The following SFMBT2 variants were observed in gnomAD, a reference collection of about 807,000 sequenced individuals.
SFMBT2 encodes the protein scm-like with four MBT domains protein 2.
A neutral mutation model predicts 110.1 loss-of-function variants in SFMBT2; 38 were observed. The ratio of observed to expected loss-of-function variants is 0.35; its 90% CI spans 0.27 to 0.45. SFMBT2 has a LOEUF of 0.45. Among genes scored for constraint, SFMBT2 ranks in the 20% least tolerant of loss-of-function variants. The pLI is 1.00. For synonymous variants in SFMBT2, 425 were observed against 425.4 expected (o/e 1.00, Z 0.01); for missense variants, 1,011 against 1,094.9 (o/e 0.92, Z 1.08).
intron 2 of SFMBT2, among the ~76,000 whole-genome samples, chr10:7,373,764 G>A (rs1006580840): frequency 7.2e-5 from 11 of 152,188 alleles, no homozygotes; most frequent in African/African-American, 1.7e-4. Context: ...ACAGGAAGCC[G>A]TGGCCACCTG....
At chr10:7,327,081 T>C (rs952077385) in intron 4 of SFMBT2, among the ~76,000 whole-genome samples, 8 of 151,130 alleles carry the variant, frequency 5.3e-5, no homozygotes, top group African/African-American at 1.7e-4. Flanking sequence ...GTGCTTCCCT[T>C]CATGTCACTC....
rs151306928 is a variant in SFMBT2 at position 7,203,819 on chromosome 10, G to A, written c.1445-1297C>T. 3.8e-3 allele frequency: 785 copies of A among 206,834 alleles called. 10 individuals carry two copies. Among genetic ancestry groups the A allele is most frequent in the African/African-American group, 0.018 (758 of 42,528 alleles). The allele number at this position is 206,834 out of a possible 1,614,324, so 12.8% of individuals were successfully genotyped here. ...CAACCTCTGCCTCCCGGATTCAAGC[G>A]ATTTTCGTGCCTCAGCCCTCCGAGT... On this transcript the variant is annotated intron_variant, in intron 12 of 20. Transcript: ENST00000397167.
At chr10:7,202,759 A>G in intron 12 of SFMBT2, 1 of 985,304 alleles carries the variant, frequency 1.0e-6, no homozygotes, top group Non-Finnish European at 1.2e-6. Context: ...TCATTACACT[A>G]GCTACTTTAT....
rs374410371 is a variant in SFMBT2 at position 7,203,808 on chromosome 10, C to T, written c.1445-1286G>A. 1.3e-3 allele frequency: 301 copies of T among 240,000 alleles called. 1 individual carries two copies. Among genetic ancestry groups the T allele is most frequent in the African/African-American group, 6.4e-3 (276 of 43,098 alleles). The allele number at this position is 240,000 out of a possible 1,614,324, so 14.9% of individuals were successfully genotyped here. Reference sequence around the variant, plus strand: ...TCAGTTCACTGCAACCTCTGCCTCCCGGATTCAAGCGATTTTCGTGCCTCA... The same window carrying T: ...TCAGTTCACTGCAACCTCTGCCTCCTGGATTCAAGCGATTTTCGTGCCTCA... On this transcript the variant is annotated intron_variant, in intron 12 of 20. Transcript: ENST00000397167.
At chr10:7,259,105 T>C (rs1564409171) in intron 7 of SFMBT2, among the ~76,000 whole-genome samples, 2 of 152,118 alleles carry the variant, frequency 1.3e-5, no homozygotes, top group Non-Finnish European at 2.9e-5. Flanking sequence ...ATGCATTAAC[T>C]CAACTGCTGT....
intron 7 of SFMBT2, among the ~76,000 whole-genome samples, chr10:7,261,679 C>T (rs1841208750): frequency 6.6e-6 from 1 of 152,176 alleles, no homozygotes; most frequent in East Asian, 1.9e-4. Context: ...TATTAAGGAG[C>T]TTTAAAGCAG....
chr10:7,406,419 G>A (rs764364217), intron 1 of SFMBT2, among the ~76,000 whole-genome samples: 14 of 149,918 alleles, frequency 9.3e-5, no homozygotes, highest in East Asian at 2.0e-4. Flanking sequence ...TGCTTCCATC[G>A]CTCACTATTT....
intron 2 of SFMBT2, 48 bp from the exon 3 acceptor site, chr10:7,370,423 G>A: frequency 1.3e-6 from 2 of 1,494,928 alleles, no homozygotes; most frequent in Non-Finnish European, 1.9e-6. Context: ...GTGGAGGACA[G>A]AAAGGTGCTG....
intron 4 of SFMBT2, among the ~76,000 whole-genome samples, chr10:7,340,230 T>C (rs971418230): frequency 9.2e-5 from 14 of 152,128 alleles, no homozygotes; most frequent in African/African-American, 3.4e-4. Context: ...ATATTTAGCA[T>C]TCATTCAGTG....
chr10:7,410,225 A>G (rs1327063056), intron 1 of SFMBT2, among the ~76,000 whole-genome samples: 7 of 152,274 alleles, frequency 4.6e-5, no homozygotes, highest in Non-Finnish European at 1.5e-5. Context: ...AGCACGCTCC[A>G]AAACTACTAC....
rs1311609773 is a variant in SFMBT2, at chr10:7,263,274, C to T, written c.870+13618G>A. ...TTTCTTTTTTGAGACAGAGTTTCTC[C>T]CTCGTCGCCCAGGCTGGAGTACAAT... On this transcript the variant is annotated intron_variant, in intron 7 of 20. Transcript: ENST00000397167. Among the ~76,000 whole-genome samples, 4 of 151,840 alleles carry T rather than the reference C, an allele frequency of 2.6e-5. No individual in the cohort carries two copies. In the East Asian group the frequency reaches 7.7e-4, roughly 29 times the overall value.
At chr10:7,272,322 A>G (rs1221461350) in intron 7 of SFMBT2, among the ~76,000 whole-genome samples, 2 of 152,204 alleles carry the variant, frequency 1.3e-5, no homozygotes, top group Non-Finnish European at 2.9e-5. Flanking sequence ...GAGGCAAAAA[A>G]GCTGATGAAG....
At chr10:7,179,391 G>GAAAAAAAAAAAAAAAA (rs57497418) in intron 16 of SFMBT2, among the ~76,000 whole-genome samples, 1 of 70,300 alleles carries the variant, frequency 1.4e-5, no homozygotes, top group African/African-American at 5.3e-5. Context: ...TTGCATTTTC[G>GAAAAAAAAAAAAAAAA]AAAAAAAAAA....
chr10:7,187,603 C>A (rs975829620), intron 16 of SFMBT2, among the ~76,000 whole-genome samples: 2 of 152,184 alleles, frequency 1.3e-5, no homozygotes, highest in Non-Finnish European at 2.9e-5. Flanking sequence ...CAGAGCTGTT[C>A]AAAAATGACA....
At chr10:7,219,920 C>T (rs1564390343) in intron 11 of SFMBT2, 1 of 155,434 alleles carries the variant, frequency 6.4e-6, no homozygotes. Flanking sequence ...ATAGTTTCAA[C>T]ATCACTGAAC....
intron 9 of SFMBT2, among the ~76,000 whole-genome samples, chr10:7,233,838 A>AATGTCCC (rs1416861590): frequency 9.9e-5 from 15 of 152,218 alleles, no homozygotes; most frequent in Non-Finnish European, 1.6e-4. Context: ...TCAGGGGATG[A>AATGTCCC]ATGTCCCATG....
intron 4 of SFMBT2, among the ~76,000 whole-genome samples, chr10:7,298,411 C>A (rs1035432969): frequency 6.6e-6 from 1 of 152,208 alleles, no homozygotes; most frequent in African/African-American, 2.4e-5. Context: ...TGGAATGTCA[C>A]TTACCCAAAA....
intron 4 of SFMBT2, among the ~76,000 whole-genome samples, chr10:7,344,734 A>G (rs1844049903): frequency 6.6e-6 from 1 of 152,040 alleles, no homozygotes; most frequent in Non-Finnish European, 1.5e-5. Context: ...TGGGAGGCCA[A>G]GAAGGGTGGA....
intron 10 of SFMBT2, among the ~76,000 whole-genome samples, chr10:7,226,610 A>T (rs149490710): frequency 7.2e-5 from 11 of 152,308 alleles, no homozygotes; most frequent in African/African-American, 2.6e-4. Flanking sequence ...TCCTAACTAA[A>T]AGCATGTTGA....
Sources: gnomAD v4.1 joint callset for allele counts (sites outside exome capture counted in the v4.1 genomes callset) on GRCh38, gnomAD v4.1.1 for gene constraint, MANE v1.5 for transcripts, NCBI Gene and HGNC (gene_info 2026-07-23, HGNC 2026-07-21) for gene names.